RGL4: variants seen among roughly 807,000 people sequenced by gnomAD.
RGL4 encodes the protein ral-GDS-related protein.
A neutral mutation model predicts 49.6 loss-of-function variants in RGL4; 41 were observed. The ratio of observed to expected loss-of-function variants is 0.83; its 90% CI spans 0.64 to 1.07. RGL4 has a LOEUF of 1.07. RGL4 is among the 50% of genes least tolerant of loss of function. The pLI is 0.00. For synonymous variants in RGL4, 255 were observed against 238.0 expected (o/e 1.07, Z -0.66); for missense variants, 610 against 591.9 (o/e 1.03, Z -0.32).
chr22:23,697,898 G>T (rs969865712), intron 9 of RGL4, 37 bp downstream of exon 9: 48 of 1,594,200 alleles, frequency 3.0e-5, no homozygotes, highest in Non-Finnish European at 4.0e-5. Context: ...ATGAGGGTGG[G>T]GATGTGGACG....
chr22:23,696,037 T>C (rs1601288897), intron 6 of RGL4, among the ~76,000 whole-genome samples: 3 of 152,128 alleles, frequency 2.0e-5, no homozygotes, highest in African/African-American at 7.2e-5. Flanking sequence ...CCCTTTCCCA[T>C]CACGACTGTA....
intron 9 of RGL4, 75 bp downstream of exon 9, chr22:23,697,936 C>T: frequency 6.6e-7 from 1 of 1,517,892 alleles, no homozygotes; most frequent in Non-Finnish European, 9.0e-7. Flanking sequence ...CAGGACACTC[C>T]CTGGCTCCAT....
chr22:23,694,018 GA>G (rs773383780), intron 4 of RGL4, 44 bp downstream of exon 4: 4 of 1,547,908 alleles, frequency 2.6e-6, no homozygotes, highest in Non-Finnish European at 3.6e-6. Context: ...TAAAAATGGG[GA>G]ACTTCCTCTT....
chr22:23,695,165 A>T, intron 6 of RGL4, 146 bp downstream of exon 6: 1 of 604,894 alleles, frequency 1.7e-6, no homozygotes, highest in South Asian at 1.7e-5. Flanking sequence ...AATTCCCTCC[A>T]TGCCTACCTT....
At position 23,697,168 on chromosome 22, in the gene RGL4, CA is replaced by C; in HGVS notation, c.1162-2del. The C allele has an allele frequency of 6.2e-7, 1 of 1,611,030 alleles. No individual in the cohort carries two copies. The highest frequency in any genetic ancestry group is 1.3e-5 in the African/African-American group (1 of 74,936). ...CCCACCTCCCCACCCCTCCTTGGCACAGGGTGTGGTCCCCTTCCTGGGGGAT... is the reference window on the plus strand; with the variant it reads ...CCCACCTCCCCACCCCTCCTTGGCACGGGTGTGGTCCCCTTCCTGGGGGAT... On this transcript the variant is annotated splice_acceptor_variant, in intron 7 of 10. Transcript: ENST00000290691. LOFTEE classifies it high-confidence loss of function.
rs980551671 is a variant in RGL4, at chr22:23,698,859, C to A, written c.1398C>A (p.Cys466Ter). The A allele has an allele frequency of 2.5e-6, 4 of 1,610,244 alleles. No individual in the cohort carries two copies. The highest frequency in any genetic ancestry group is 3.4e-6 in the Non-Finnish European group (4 of 1,177,278). The change falls in exon 11 of 11, where the codon TGC becomes TGA. Residue 466 changes from cysteine to a stop codon, truncating the protein, a stop_gained. Coordinates refer to ENST00000290691, the MANE Select transcript of RGL4 (RefSeq NM_153615.2). LOFTEE classifies it low-confidence loss of function (END_TRUNC). ...TGTCCTGCAGCTACAAGCTGTCCTG[C>A]CAGCTGGAGCCCGAAAACCCGTAGG... Reference protein sequence around the residue: ...LSDKESYKLSCQLEPENP With the variant: ...LSDKESYKLS
intron 9 of RGL4, 112 bp from the exon 10 acceptor site, chr22:23,698,100 T>C: frequency 7.1e-6 from 10 of 1,413,380 alleles, no homozygotes; most frequent in Non-Finnish European, 9.6e-6. Flanking sequence ...GGGCGCTGCA[T>C]GGGACCCCTT....
chr22:23,698,975 G>A lies in RGL4; in HGVS notation c.*92G>A. On this transcript the variant is annotated 3_prime_UTR_variant, in exon 11 of 11. Transcript: ENST00000290691. ...TCCCTCACCCAGACCGTAGACACCAGGGAACCACATCTAGGAGGCTGGCAG... is the reference window on the plus strand; with the variant it reads ...TCCCTCACCCAGACCGTAGACACCAAGGAACCACATCTAGGAGGCTGGCAG... 1 of 1,569,026 alleles carries A rather than the reference G, an allele frequency of 6.4e-7. No homozygotes were observed. The highest frequency in any genetic ancestry group is 8.6e-7 in the Non-Finnish European group (1 of 1,156,594).
intron 5 of RGL4, chr22:23,694,690 T>C: frequency 1.7e-6 from 1 of 595,102 alleles, no homozygotes; most frequent in South Asian, 2.0e-5. Context: ...TTCAGGTGTT[T>C]GTACCCAGCA....
At chr22:23,698,517 CCAT>C in intron 10 of RGL4, 184 bp downstream of exon 10, 1 of 746,152 alleles carries the variant, frequency 1.3e-6, no homozygotes, top group Non-Finnish European at 2.3e-6. Context: ...CTGTACACCA[CCAT>C]GTCCGGTTGT....
chr22:23,694,597 G>A (rs913733455), intron 5 of RGL4, 147 bp downstream of exon 5: 2 of 648,680 alleles, frequency 3.1e-6, no homozygotes, highest in African/African-American at 3.6e-5. Context: ...TCACTAAGCT[G>A]CCCTGGACTC....
chr22:23,694,017 G>A (rs186626862), intron 4 of RGL4, 43 bp downstream of exon 4: 382 of 1,554,274 alleles, frequency 2.5e-4, no homozygotes, highest in Non-Finnish European at 3.2e-4. Context: ...TTAAAAATGG[G>A]GAACTTCCTC....
chr22:23,698,460 T>C, intron 10 of RGL4, 127 bp downstream of exon 10: 1 of 1,165,002 alleles, frequency 8.6e-7, no homozygotes, highest in South Asian at 1.3e-5. Flanking sequence ...ACGTCTGCCT[T>C]CTGGGCTCAA....
chr22:23,692,986 G>C lies in RGL4; in HGVS notation c.691G>C (p.Asp231His), dbSNP rs780423673. Residue 231 changes from aspartate (D) to histidine (H), a missense_variant, in exon 3 of 11, where the codon GAT (aspartate) becomes CAT (histidine). By Grantham distance (81) the Asp-to-His change is moderately conservative. Transcript: ENST00000290691. Reference sequence around the variant, plus strand: ...GCTGGCAGAGCAGCTGACCCTCATGGATGCGGTGAGCAGCTGAGCTTTGCA... The same window carrying C: ...GCTGGCAGAGCAGCTGACCCTCATGCATGCGGTGAGCAGCTGAGCTTTGCA... ...RLLAEQLTLM[D>H]AELFKKVVLH... 6.9e-5 allele frequency: 110 copies of C among 1,598,906 alleles called. No individual in the cohort carries two copies. Among genetic ancestry groups the C allele is most frequent in the Non-Finnish European group, 8.8e-5 (103 of 1,171,232 alleles).
At position 23,692,447 on chromosome 22, in the gene RGL4, C is replaced by A; in HGVS notation, c.292C>A (p.Pro98Thr). The A allele has an allele frequency of 6.2e-7, 1 of 1,614,218 alleles. No individual in the cohort carries two copies. The highest frequency in any genetic ancestry group is 1.1e-5 in the South Asian group (1 of 91,090). Reference sequence around the variant, plus strand: ...GCTGGCCTTCAGGAACCTCTCCTGGCCTGGACTGGGCTTGGAGGACCATCA... The same window carrying A: ...GCTGGCCTTCAGGAACCTCTCCTGGACTGGACTGGGCTTGGAGGACCATCA... ...IKLAFRNLSW[P>T]GLGLEDHQEI... The change falls in exon 2 of 11, where the codon CCT (proline) becomes ACT (threonine). Residue 98 changes from proline (P) to threonine (T), a missense_variant. By Grantham distance (38) the Pro-to-Thr change is conservative. Coordinates refer to ENST00000290691, the MANE Select transcript of RGL4 (RefSeq NM_153615.2).
Position 23,692,624 on chromosome 22 carries a change from C to T in RGL4, c.374-45C>T, listed in dbSNP as rs1364017618. 20 of 1,572,014 alleles carry T rather than the reference C, an allele frequency of 1.3e-5. No individual in the cohort carries two copies. In the South Asian group the frequency reaches 1.9e-4, roughly 15 times the overall value. On this transcript the variant is annotated intron_variant, in intron 2 of 10. Transcript: ENST00000290691. Reference sequence around the variant, plus strand: ...CCCGGTCATTTCTGTGCTTGGAAAACCCAGTGAAAAATGACTGGTGTGGTG... The same window carrying T: ...CCCGGTCATTTCTGTGCTTGGAAAATCCAGTGAAAAATGACTGGTGTGGTG...
At position 23,694,981 on chromosome 22, in the gene RGL4, A is replaced by G; in HGVS notation, c.1048A>G (p.Lys350Glu). Residue 350 changes from lysine (K) to glutamate (E), a missense_variant, in exon 6 of 11, where the codon AAA (lysine) becomes GAA (glutamate). Lys to Glu is a moderately conservative substitution (Grantham distance 56). Transcript: ENST00000290691. ...KSMKELKELC[K>E]KDTAVKRDLL... ...CATGAAAGAGCTAAAAGAACTCTGC[A>G]AAAAAGACACTGCAGTGAAGAGGGA... is the stretch of plus-strand genomic sequence containing the variant. The G allele has an allele frequency of 6.2e-7, 1 of 1,613,136 alleles. No individual in the cohort carries two copies. The highest frequency in any genetic ancestry group is 8.5e-7 in the Non-Finnish European group (1 of 1,179,186).
At chr22:23,696,212 T>A (rs747358537) in intron 6 of RGL4, 9 of 981,410 alleles carry the variant, frequency 9.2e-6, no homozygotes, top group Non-Finnish European at 1.2e-5. Flanking sequence ...TGGGCCTCTG[T>A]TTCCTCATCT....
chr22:23,698,372 T>G (rs1374129963), intron 10 of RGL4, 39 bp downstream of exon 10: 2 of 1,569,824 alleles, frequency 1.3e-6, no homozygotes, highest in South Asian at 1.2e-5. Flanking sequence ...GGGAGAAGGC[T>G]CTCCATTTTT....
Sources: gnomAD v4.1 joint callset for allele counts (sites outside exome capture counted in the v4.1 genomes callset) on GRCh38, gnomAD v4.1.1 for gene constraint, MANE v1.5 for transcripts, NCBI Gene and HGNC (gene_info 2026-07-23, HGNC 2026-07-21) for gene names.